The following NRDE2 variants were observed in gnomAD, a reference collection of about 807,000 sequenced individuals.
The protein encoded by NRDE2 is NRDE-2, necessary for RNA interference, domain containing.
NRDE2 carries 76 observed loss-of-function variants against 124.2 expected under a neutral mutation model. That is an observed-to-expected ratio of 0.61 (90% CI 0.51 to 0.74). NRDE2 has a LOEUF of 0.74. Ranked by LOEUF, NRDE2 falls within the 30% of genes least tolerant of loss-of-function variation. NRDE2 has a pLI of 0.00. For missense variants in NRDE2, 1,314 were observed against 1,417.3 expected (o/e 0.93, Z 1.17); for synonymous variants, 489 against 528.1 (o/e 0.93, Z 1.01).
rs1891768392 is a variant in NRDE2 at position 90,274,840 on chromosome 14, C to CA, written c.*3495_*3496insT. 15 of 110,152 alleles carry CA rather than the reference C, an allele frequency of 1.4e-4. No homozygotes were observed. Among genetic ancestry groups the CA allele is most frequent in the African/African-American group, 4.5e-4 (13 of 28,680 alleles). The allele number at this position is 110,152 out of a possible 1,614,324, so 6.8% of individuals were successfully genotyped here. A position where few individuals can be genotyped will look rare whatever the true frequency, so the allele number is the denominator to read the frequency against. ...CACACACACACACACACACACACAC[C>CA]CCAATACATATGAATTGATCTGAAA... On this transcript the variant is annotated 3_prime_UTR_variant, in exon 14 of 14. Coordinates refer to ENST00000354366, the MANE Select transcript of NRDE2 (RefSeq NM_017970.4).
intron 4 of NRDE2, 84 bp downstream of exon 4, chr14:90,312,310 G>A (rs1566697390): frequency 1.5e-6 from 2 of 1,293,026 alleles, no homozygotes; most frequent in Non-Finnish European, 2.2e-6. Flanking sequence ...GAGAGAAACA[G>A]GCAGGCAGAC....
At chr14:90,331,712 T>G in intron 1 of NRDE2, 129 bp downstream of exon 1, 1 of 1,067,680 alleles carries the variant, frequency 9.4e-7, no homozygotes, top group Admixed American at 2.0e-5. Context: ...CCCAGAAGGC[T>G]TTGCAGCGCC....
rs1196097850 is a variant in NRDE2, at chr14:90,269,433, G to A, written c.*8903C>T. 6.2e-7 allele frequency: 1 copy of A among 1,609,880 alleles called. No homozygotes were observed. Among genetic ancestry groups the A allele is most frequent in the Non-Finnish European group, 8.5e-7 (1 of 1,178,802 alleles). Reference sequence around the variant, plus strand: ...ATTCTGGTGGTGAGAGAGAAATTCAGCGAACAATGTTGGAACTGCTGAACC... The same window carrying A: ...ATTCTGGTGGTGAGAGAGAAATTCAACGAACAATGTTGGAACTGCTGAACC... On this transcript the variant is annotated 3_prime_UTR_variant, in exon 14 of 14. Coordinates refer to ENST00000354366, the MANE Select transcript of NRDE2 (RefSeq NM_017970.4).
rs1595050601 is a variant in NRDE2, at chr14:90,277,181, G to A, written c.*1155C>T. 6.6e-6 allele frequency: 1 copy of A among 152,400 alleles called. No individual in the cohort carries two copies. Among genetic ancestry groups the A allele is most frequent in the South Asian group, 2.1e-4 (1 of 4,824 alleles). 9.4% of individuals were successfully genotyped at this position (152,400 alleles called of 1,614,324 possible). A position where few individuals can be genotyped will look rare whatever the true frequency, so the allele number is the denominator to read the frequency against. On this transcript the variant is annotated 3_prime_UTR_variant, in exon 14 of 14. Coordinates refer to ENST00000354366, the MANE Select transcript of NRDE2 (RefSeq NM_017970.4). ...AGCAGGAGAGGGCAGTAGTGGGGCT[G>A]GGCTGGCCAGTTTCCCACCGTGCCC...
intron 12 of NRDE2, among the ~76,000 whole-genome samples, chr14:90,284,654 C>A (rs976601523): frequency 1.3e-5 from 2 of 152,158 alleles, no homozygotes; most frequent in African/African-American, 4.8e-5. Flanking sequence ...CAGGCATGAG[C>A]CACCACACCT....
chr14:90,307,133 G>A (rs959841975), intron 4 of NRDE2, among the ~76,000 whole-genome samples: 1 of 152,280 alleles, frequency 6.6e-6, no homozygotes, highest in South Asian at 2.1e-4. Context: ...ATATATATGT[G>A]TGTGCACATA....
Position 90,302,780 on chromosome 14 carries a change from CA to C in NRDE2, c.1350del (p.Val451LeufsTer57). The part of the protein sequence containing the change: ...LYGKCLSTLS[A>X]VKDGSILSHP... The stretch of plus-strand genomic sequence containing the variant: ...TGAGATAAGATGCTGCCGTCCTTAA[CA>C]GCAGACAAAGTGCTCAAGCATTTTC... On this transcript the variant is annotated frameshift_variant, in exon 6 of 14. Coordinates refer to ENST00000354366, the MANE Select transcript of NRDE2 (RefSeq NM_017970.4). LOFTEE classifies it high-confidence loss of function. The C allele has an allele frequency of 6.2e-7, 1 of 1,614,116 alleles. No homozygotes were observed. The highest frequency in any genetic ancestry group is 2.2e-5 in the East Asian group (1 of 44,890).
At position 90,276,224 on chromosome 14, in the gene NRDE2, T is replaced by TTG. The variant is rs1212178751; in HGVS notation, c.*2111_*2112insCA. Reference sequence around the variant, plus strand: ...AGCAATCTCAAACGGGCTGTTTTTTTTTTTTTTTTTTCGAGACGGAGTCTT... The same window carrying TTG: ...AGCAATCTCAAACGGGCTGTTTTTTTTGTTTTTTTTTTTCGAGACGGAGTCTT... On this transcript the variant is annotated 3_prime_UTR_variant, in exon 14 of 14. Coordinates refer to ENST00000354366, the MANE Select transcript of NRDE2 (RefSeq NM_017970.4). The TTG allele has an allele frequency of 2.0e-5, 3 of 148,706 alleles. No homozygotes were observed. Among genetic ancestry groups the TTG allele is most frequent in the Non-Finnish European group, 4.5e-5 (3 of 67,108 alleles). 9.2% of individuals were successfully genotyped at this position (148,706 alleles called of 1,614,324 possible). A position where few individuals can be genotyped will look rare whatever the true frequency, so the allele number is the denominator to read the frequency against.
rs1164792825 is a variant in NRDE2 at position 90,269,963 on chromosome 14, C to G, written c.*8373G>C. 4.1e-6 allele frequency: 2 copies of G among 493,182 alleles called. No individual in the cohort carries two copies. The highest frequency in any genetic ancestry group is 1.9e-5 in the African/African-American group (1 of 51,952). 30.6% of individuals were successfully genotyped at this position (493,182 alleles called of 1,614,324 possible). A position where few individuals can be genotyped will look rare whatever the true frequency, so the allele number is the denominator to read the frequency against. On this transcript the variant is annotated 3_prime_UTR_variant, in exon 14 of 14. Transcript: ENST00000354366. The stretch of plus-strand genomic sequence containing the variant: ...AGTTTCACTCAGGAATTGCTCCTTT[C>G]ATTTATTTCTGAAGGTACCAAAGCA...
In NRDE2 at chr14:90,290,933, T is replaced by A. The variant is rs187466792; in HGVS notation, c.1843-326A>T. Among the ~76,000 whole-genome samples, 584 of 152,354 alleles carry A rather than the reference T, an allele frequency of 3.8e-3. 7 individuals carry two copies. Among genetic ancestry groups the A allele is most frequent in the Non-Finnish European group, 4.4e-3 (296 of 68,034 alleles). ...GATTTGTAGAAAATCTAGAAACATG[T>A]TCACTTCTGAAAGCATACATAATTG... On this transcript the variant is annotated intron_variant, in intron 9 of 13. Transcript: ENST00000354366.
rs1202082558 is a variant in NRDE2, at chr14:90,314,702, CAT to C, written c.407+1874_407+1875del. 4.6e-5 allele frequency among the ~76,000 whole-genome samples: 7 copies of C among 152,180 alleles called. No individual in the cohort carries two copies. In the East Asian group the frequency reaches 7.7e-4, roughly 17 times the overall value. ...CAGTAAAAGGTAAGGACACCAATAA[CAT>C]ATTCATTCATTCATGTAACAAAAAC... On this transcript the variant is annotated intron_variant, in intron 3 of 13. Coordinates refer to ENST00000354366, the MANE Select transcript of NRDE2 (RefSeq NM_017970.4).
In NRDE2 at chr14:90,290,406, G is replaced by C. The variant is rs749603823; in HGVS notation, c.2044C>G (p.Pro682Ala). ...YDEKPLTFFN[P>A]LFSGASCVGR... ...ACACAGCTAGCCCCAGAAAACAAAG[G>C]GTTGAAAAAAGTCAAGGGCTTTTCA... The change falls in exon 10 of 14, where the codon CCT becomes GCT. Residue 682 changes from proline to alanine, a missense_variant. Coordinates refer to ENST00000354366, the MANE Select transcript of NRDE2 (RefSeq NM_017970.4). The C allele has an allele frequency of 1.8e-5, 29 of 1,613,900 alleles. No individual in the cohort carries two copies. Among genetic ancestry groups the C allele is most frequent in the Non-Finnish European group, 2.2e-5 (26 of 1,180,024 alleles).
rs74080903 is a variant in NRDE2, at chr14:90,302,527, T to C, written c.1411+193A>G. On this transcript the variant is annotated intron_variant, in intron 6 of 13. Transcript: ENST00000354366. ...TGATATCTTAACTCTACTGGCCCTA[T>C]TGCCCCCACCTGCCCTGGGAGCTGG... Among the ~76,000 whole-genome samples, 592 of 152,302 alleles carry C rather than the reference T, an allele frequency of 3.9e-3. 5 individuals are homozygous for C. The highest frequency in any genetic ancestry group is 0.013 in the African/African-American group (536 of 41,570).
chr14:90,273,590 A>G lies in NRDE2; in HGVS notation c.*4746T>C, dbSNP rs929648265. ...AATAAATAAATAAATAAAAACCACA[A>G]TTTTATCTCAGTTCTGTAGGTCAGA... On this transcript the variant is annotated 3_prime_UTR_variant, in exon 14 of 14. Transcript: ENST00000354366. 1.3e-5 allele frequency: 2 copies of G among 152,216 alleles called. No homozygotes were observed. The highest frequency in any genetic ancestry group is 2.9e-5 in the Non-Finnish European group (2 of 68,116). The allele number at this position is 152,216 out of a possible 1,614,324, so 9.4% of individuals were successfully genotyped here.
intron 12 of NRDE2, among the ~76,000 whole-genome samples, chr14:90,282,997 C>T (rs953820174): frequency 6.6e-6 from 1 of 152,198 alleles, no homozygotes; most frequent in African/African-American, 2.4e-5. Flanking sequence ...TAAGCAAGCA[C>T]GTATATGCAC....
chr14:90,278,783 A>G (rs1424046165), intron 13 of NRDE2: 1 of 534,330 alleles, frequency 1.9e-6, no homozygotes, highest in East Asian at 3.1e-5. Context: ...CATGATCCCA[A>G]CTCTTTCAGC....
In NRDE2 at chr14:90,304,284, TG is replaced by T. The variant is rs1253149975; in HGVS notation, c.655del (p.Gln219ArgfsTer13). On this transcript the variant is annotated frameshift_variant, in exon 5 of 14. Transcript: ENST00000354366. LOFTEE classifies it high-confidence loss of function. ...CTTCTTAGTAAAATAGCGTTCAACCTGCTTGCGTGAATGCTTCTTCTCTGTG... is the reference window on the plus strand; with the variant it reads ...CTTCTTAGTAAAATAGCGTTCAACCTCTTGCGTGAATGCTTCTTCTCTGTG... ...TSTEKKHSRK[Q>X]VERYFTKKSV... The T allele has an allele frequency of 6.2e-7, 1 of 1,614,038 alleles. No homozygotes were observed. Among genetic ancestry groups the T allele is most frequent in the Admixed American group, 1.7e-5 (1 of 60,004 alleles).
chr14:90,311,237 A>C (rs1293757340), intron 4 of NRDE2, among the ~76,000 whole-genome samples: 1 of 152,196 alleles, frequency 6.6e-6, no homozygotes, highest in African/African-American at 2.4e-5. Flanking sequence ...TCTGTAAACT[A>C]TCTGGGAACA....
chr14:90,328,496 G>C (rs1291174447), intron 1 of NRDE2, among the ~76,000 whole-genome samples: 1 of 151,970 alleles, frequency 6.6e-6, no homozygotes, highest in Non-Finnish European at 1.5e-5. Context: ...AATCATAAAT[G>C]GCTGCAAAAA....
Sources: gnomAD v4.1 joint callset for allele counts (sites outside exome capture counted in the v4.1 genomes callset) on GRCh38, gnomAD v4.1.1 for gene constraint, MANE v1.5 for transcripts, NCBI Gene and HGNC (gene_info 2026-07-23, HGNC 2026-07-21) for gene names.